Variants in B9D1 observed in about 807,000 individuals in gnomAD.
B9D1 encodes B9 domain containing 1.
A neutral mutation model predicts 26.1 loss-of-function variants in B9D1; 20 were observed. That is an observed-to-expected ratio of 0.77 (90% CI 0.54 to 1.12). The LOEUF is 1.12. B9D1 is among the 50% of genes most tolerant of loss of function. The probability of loss-of-function intolerance (pLI) is 0.00; values close to 1 mark genes in which losing one functional copy is unlikely to be tolerated. For missense variants in B9D1, 260 were observed against 273.7 expected (o/e 0.95, Z 0.35); for synonymous variants, 105 against 103.1 (o/e 1.02, Z -0.11).
intron 3 of B9D1, among the ~76,000 whole-genome samples, chr17:19,356,693 G>C (rs1231164909): frequency 6.6e-6 from 1 of 152,144 alleles, no homozygotes. Flanking sequence ...ATTGAAATCA[G>C]CAAACACTCC....
Position 19,370,031 on chromosome 17 carries a change from G to A in B9D1, c.-298+7828C>T, listed in dbSNP as rs1192363955. On this transcript the variant is annotated intron_variant, in intron 1 of 5. Transcript: ENST00000477478. The surrounding 1 kb of genome is among the most constrained non-coding windows in gnomAD (Gnocchi z 5.1). ...ACTGGGCAGGGAGCACACCACTGAT[G>A]GGTGAAATGATGATCTCACAGGAAA... 6.6e-6 allele frequency among the ~76,000 whole-genome samples: 1 copy of A among 152,184 alleles called. No homozygotes were observed. The highest frequency in any genetic ancestry group is 6.5e-5 in the Admixed American group (1 of 15,270).
chr17:19,352,514 A>ATT (rs34659490), intron 3 of B9D1, among the ~76,000 whole-genome samples: 8,970 of 94,980 alleles, frequency 0.094, 712 homozygotes, highest in East Asian at 0.46. Flanking sequence ...GGCCTGGCTA[A>ATT]TTTTTTTTTT....
intron 1 of B9D1, among the ~76,000 whole-genome samples, chr17:19,361,538 G>T (rs1327531625): frequency 6.6e-6 from 1 of 152,120 alleles, no homozygotes; most frequent in African/African-American, 2.4e-5. Context: ...AGACACATGT[G>T]ACTCAGCCCA....
At chr17:19,343,612 G>A (rs1277312891) in intron 6 of B9D1, 151 bp from the exon 7 acceptor site, 9 of 1,572,704 alleles carry the variant, frequency 5.7e-6, no homozygotes, top group East Asian at 2.4e-5. Flanking sequence ...AGGGGCTGCC[G>A]GGACAGGCAG....
intron 1 of B9D1, among the ~76,000 whole-genome samples, chr17:19,368,575 G>A (rs1384227405): frequency 6.6e-6 from 1 of 152,136 alleles, no homozygotes; most frequent in Non-Finnish European, 1.5e-5. Context: ...TGACATGATT[G>A]GAGTCCAGTT....
chr17:19,376,821 TA>T (rs1912149020), intron 1 of B9D1, among the ~76,000 whole-genome samples: 1 of 149,250 alleles, frequency 6.7e-6, no homozygotes, highest in African/African-American at 2.5e-5. Context: ...TAAAATAAAA[TA>T]AAATAAAATA....
chr17:19,375,888 C>T (rs1051258300), intron 1 of B9D1, among the ~76,000 whole-genome samples: 16 of 152,178 alleles, frequency 1.1e-4, no homozygotes, highest in African/African-American at 3.9e-4. Context: ...ACCCAGCAAT[C>T]CCACTCCCAA....
rs748543760 is a variant in B9D1 at position 19,343,867 on chromosome 17, CAGA to C, written c.405-13_405-11del. 8.7e-6 allele frequency: 14 copies of C among 1,613,854 alleles called. No homozygotes were observed. The highest frequency in any genetic ancestry group is 2.2e-5 in the South Asian group (2 of 91,070). On this transcript the variant is annotated splice_polypyrimidine_tract_variant and intron_variant, in intron 5 of 6. Transcript: ENST00000261499. ...CCGCCCCATGAACCAGCTGGGAACA[CAGA>C]AGAACACAGGTGAGCAGGGCCCCAC...
rs1412017124 is a variant in B9D1 at position 19,347,641 on chromosome 17, A to C, written c.341+143T>G. On this transcript the variant is annotated intron_variant, in intron 4 of 6. Coordinates refer to ENST00000261499, the MANE Select transcript of B9D1 (RefSeq NM_015681.6). The surrounding 1 kb of genome is among the most constrained non-coding windows in gnomAD (Gnocchi z 4.3). Reference sequence around the variant, plus strand: ...AAGGTTCTCCTCCCAAATACAGGCTACAACCCCCCTGGCCACCAGGCTGAG... The same window carrying C: ...AAGGTTCTCCTCCCAAATACAGGCTCCAACCCCCCTGGCCACCAGGCTGAG... 2.4e-6 allele frequency: 2 copies of C among 839,210 alleles called. No individual in the cohort carries two copies. Among genetic ancestry groups the C allele is most frequent in the East Asian group, 2.7e-5 (1 of 37,616 alleles). The allele number at this position is 839,210 out of a possible 1,614,324, so 52.0% of individuals were successfully genotyped here. A position where few individuals can be genotyped will look rare whatever the true frequency, so the allele number is the denominator to read the frequency against.
At chr17:19,352,087 T>C (rs1025768506) in intron 3 of B9D1, among the ~76,000 whole-genome samples, 2 of 152,184 alleles carry the variant, frequency 1.3e-5, no homozygotes, top group East Asian at 1.9e-4. Flanking sequence ...GGTCTCACCA[T>C]GTTGCCCAGG....
chr17:19,362,439 G>A, intron 1 of B9D1, 68 bp downstream of exon 1: 1 of 1,231,102 alleles, frequency 8.1e-7, no homozygotes, highest in South Asian at 1.5e-5. Flanking sequence ...AGGGCAGCCC[G>A]GGGGGTTGCG....
intron 5 of B9D1, chr17:19,344,367 A>G (rs879652251): frequency 4.4e-6 from 1 of 227,972 alleles, no homozygotes. Flanking sequence ...GGTCCAGGAC[A>G]TGTCACTTCC....
At chr17:19,337,005 G>A (rs139880518), downstream of B9D1, among the ~76,000 whole-genome samples, 7 of 152,320 alleles carry the variant, frequency 4.6e-5, no homozygotes, top group African/African-American at 1.2e-4. Flanking sequence ...CTCTTAATGC[G>A]GCCTTGTCAC....
chr17:19,362,764 A>C, upstream of B9D1: 1 of 1,478,704 alleles, frequency 6.8e-7, no homozygotes, highest in African/African-American at 1.4e-5. Flanking sequence ...GGGGCGGGGC[A>C]CAAGGGGCGG....
At chr17:19,373,168 A>T (rs1422355303) in intron 1 of B9D1, among the ~76,000 whole-genome samples, 1 of 152,192 alleles carries the variant, frequency 6.6e-6, no homozygotes. Context: ...CACTGCCGTG[A>T]TGGATGTCCC....
chr17:19,353,038 C>T (rs1017935692), intron 3 of B9D1, among the ~76,000 whole-genome samples: 3 of 151,266 alleles, frequency 2.0e-5, no homozygotes, highest in Non-Finnish European at 2.9e-5. Flanking sequence ...TGTAGTGACG[C>T]GATCTCAGCT....
intron 1 of B9D1, among the ~76,000 whole-genome samples, chr17:19,362,013 A>G (rs1000426060): frequency 6.6e-6 from 1 of 152,104 alleles, no homozygotes; most frequent in Non-Finnish European, 1.5e-5. Context: ...GGGGATGGGG[A>G]ATAGCGTCCC....
At chr17:19,364,149 A>G (rs1007824381), upstream of B9D1, among the ~76,000 whole-genome samples, 4 of 152,220 alleles carry the variant, frequency 2.6e-5, no homozygotes, top group African/African-American at 7.2e-5. This position sits in a 1 kb window ranked among gnomAD's most constrained non-coding sequence, Gnocchi z 4.3. Context: ...TAGTTATCGA[A>G]TAACTGGGGG....
chr17:19,337,610 T>C (rs1040904141), downstream of B9D1: 64 of 1,072,080 alleles, frequency 6.0e-5, no homozygotes, highest in Non-Finnish European at 8.1e-5. Context: ...TGTGGGATGC[T>C]CTTGGTTACG....
Sources: gnomAD v4.1 joint callset for allele counts (sites outside exome capture counted in the v4.1 genomes callset) on GRCh38, gnomAD v4.1.1 for gene constraint, Gnocchi (gnomAD v3.1) non-coding constraint, MANE v1.5 for transcripts, NCBI Gene and HGNC (gene_info 2026-07-23, HGNC 2026-07-21) for gene names.